The following MYO1E variants were observed in gnomAD, a reference collection of about 807,000 sequenced individuals.
The protein encoded by MYO1E is unconventional myosin-Ie.
MYO1E carries 68 observed loss-of-function variants against 151.1 expected under a neutral mutation model. The ratio of observed to expected loss-of-function variants is 0.45; its 90% confidence interval spans 0.37 to 0.55. The LOEUF (loss-of-function observed/expected upper bound fraction) is 0.55, where lower values mean the gene tolerates loss of function less well. MYO1E is among the 20% of genes least tolerant of loss of function. The pLI, the probability that MYO1E is intolerant of heterozygous loss-of-function variation, is 0.00. For missense variants in MYO1E, 1,363 were observed against 1,389.3 expected (o/e 0.98, Z 0.30); for synonymous variants, 601 against 501.7 (o/e 1.20, Z -2.64).
intron 14 of MYO1E, among the ~76,000 whole-genome samples, chr15:59,206,121 T>C (rs11855039): frequency 0.088 from 13,421 of 151,958 alleles, 740 homozygotes; most frequent in African/African-American, 0.16. Context: ...CAGCCTGGCA[T>C]CCAGTAGGCA....
chr15:59,246,471 G>A (rs1467528165), intron 4 of MYO1E, among the ~76,000 whole-genome samples: 3 of 152,202 alleles, frequency 2.0e-5, no homozygotes, highest in South Asian at 2.1e-4. Context: ...ACTGCCCAGA[G>A]TCTACCTTCA....
chr15:59,183,807 C>T (rs2079679354), intron 18 of MYO1E, among the ~76,000 whole-genome samples: 1 of 152,096 alleles, frequency 6.6e-6, no homozygotes. Flanking sequence ...ATGCATTAAC[C>T]ATCTGCACCT....
At chr15:59,187,469 A>T (rs180967643) in intron 18 of MYO1E, among the ~76,000 whole-genome samples, 2 of 152,376 alleles carry the variant, frequency 1.3e-5, no homozygotes, top group East Asian at 3.9e-4. Flanking sequence ...AGCCTCAAAT[A>T]CTGCTGGTGG....
chr15:59,230,989 A>T (rs1350940488), intron 6 of MYO1E, among the ~76,000 whole-genome samples: 2 of 152,220 alleles, frequency 1.3e-5, no homozygotes, highest in Non-Finnish European at 2.9e-5. Flanking sequence ...ACATATTCAT[A>T]TTCAGCCTTG....
chr15:59,285,654 C>A (rs749702194), intron 1 of MYO1E, among the ~76,000 whole-genome samples: 1 of 151,762 alleles, frequency 6.6e-6, no homozygotes. Context: ...CGACTAGACA[C>A]TGTCTTTAAA....
intron 6 of MYO1E, among the ~76,000 whole-genome samples, chr15:59,229,046 A>C (rs2080008967): frequency 6.6e-6 from 1 of 152,220 alleles, no homozygotes; most frequent in Non-Finnish European, 1.5e-5. Context: ...GCTCACTGAA[A>C]GAGAGCTCCC....
At position 59,208,858 on chromosome 15, in the gene MYO1E, G is replaced by A. The variant is rs374393554; in HGVS notation, c.1363-10C>T. 1.1e-5 allele frequency: 17 copies of A among 1,613,902 alleles called. No homozygotes were observed. The African/African-American group carries it at 1.5e-4, about 14-fold the overall frequency. ...TGATGCCAGGAGGGTTCTGATGGGAGCAAGAAGGCAAGGCCCTAGTCACTG... is the reference window on the plus strand; with the variant it reads ...TGATGCCAGGAGGGTTCTGATGGGAACAAGAAGGCAAGGCCCTAGTCACTG... On this transcript the variant is annotated splice_polypyrimidine_tract_variant and intron_variant, in intron 13 of 27. Coordinates refer to ENST00000288235, the MANE Select transcript of MYO1E (RefSeq NM_004998.4).
intron 1 of MYO1E, among the ~76,000 whole-genome samples, chr15:59,306,501 C>T (rs191927673): frequency 1.1e-4 from 17 of 152,344 alleles, no homozygotes; most frequent in South Asian, 4.1e-4. Context: ...TCCTCATCCT[C>T]GTCTGAGATA....
chr15:59,314,257 T>TATTTCACACAATG (rs1378143738), intron 1 of MYO1E, among the ~76,000 whole-genome samples: 2 of 152,228 alleles, frequency 1.3e-5, no homozygotes, highest in African/African-American at 4.8e-5. Context: ...GAATGACAAC[T>TATTTCACACAATG]CTGTGCCTTA....
chr15:59,368,890 A>G (rs965898984), intron 1 of MYO1E, among the ~76,000 whole-genome samples: 1 of 152,178 alleles, frequency 6.6e-6, no homozygotes, highest in African/African-American at 2.4e-5. Context: ...CTCTCCAAGG[A>G]GATGCCTGGG....
At chr15:59,303,659 C>T (rs530235409) in intron 1 of MYO1E, among the ~76,000 whole-genome samples, 3 of 152,300 alleles carry the variant, frequency 2.0e-5, no homozygotes, top group East Asian at 1.9e-4. Flanking sequence ...AATCCCACAG[C>T]GAGATGGTAT....
intron 11 of MYO1E, 94 bp downstream of exon 11, chr15:59,214,518 TTTTTTTTGTTGTTGTGGTTTGTTTTCTG>T: frequency 9.4e-7 from 1 of 1,063,534 alleles, no homozygotes; most frequent in South Asian, 1.3e-5. Context: ...GCCTGAGTTG[TTTTTTTTGTTGTTGTGGTTTGTTTTCTG>T]TTTTTTTGTT....
intron 16 of MYO1E, among the ~76,000 whole-genome samples, chr15:59,196,675 G>A (rs1287571518): frequency 3.3e-5 from 5 of 152,164 alleles, no homozygotes; most frequent in African/African-American, 1.2e-4. Flanking sequence ...ATTCATTGGT[G>A]AATTAAGTTC....
intron 16 of MYO1E, among the ~76,000 whole-genome samples, chr15:59,201,536 C>T (rs1222258241): frequency 1.3e-5 from 2 of 151,790 alleles, no homozygotes; most frequent in Non-Finnish European, 2.9e-5. Context: ...TCCTGAGTAG[C>T]TGGGATTACA....
intron 5 of MYO1E, among the ~76,000 whole-genome samples, chr15:59,236,369 T>TACACACACACACACACAC (rs56164138): frequency 8.5e-6 from 1 of 117,740 alleles, no homozygotes; most frequent in Non-Finnish European, 1.7e-5. Context: ...AAAAAATATA[T>TACACACACACACACACAC]ACACACACAC....
At chr15:59,217,328 T>C (rs2079924983) in intron 10 of MYO1E, among the ~76,000 whole-genome samples, 1 of 152,066 alleles carries the variant, frequency 6.6e-6, no homozygotes, top group South Asian at 2.1e-4. Context: ...TTCTGGTCTC[T>C]AGTCCTAGCT....
At chr15:59,290,993 T>C (rs2080415394) in intron 1 of MYO1E, among the ~76,000 whole-genome samples, 1 of 152,104 alleles carries the variant, frequency 6.6e-6, no homozygotes, top group African/African-American at 2.4e-5. Context: ...GCTCACACAA[T>C]TAAAGTACAA....
At position 59,133,623 on chromosome 15, in the gene MYO1E, G is replaced by C. The variant is rs1453199230; in HGVS notation, c.*3757C>G. On this transcript the variant is annotated 3_prime_UTR_variant, in exon 28 of 28. Transcript: ENST00000288235. ...GGCCTTGGGAGAAAAGCAAAACAGG[G>C]AAAGAGGGCAGAATTGCAGAAAGGC... The C allele has an allele frequency of 6.6e-6, 1 of 152,186 alleles. No homozygotes were observed. The highest frequency in any genetic ancestry group is 1.5e-5 in the Non-Finnish European group (1 of 68,046). The allele number at this position is 152,186 out of a possible 1,614,324, so 9.4% of individuals were successfully genotyped here. A position where few individuals can be genotyped will look rare whatever the true frequency, so the allele number is the denominator to read the frequency against.
chr15:59,275,588 T>C (rs2080313713), intron 1 of MYO1E, among the ~76,000 whole-genome samples: 1 of 152,198 alleles, frequency 6.6e-6, no homozygotes, highest in Admixed American at 6.5e-5. Context: ...CTTCTGTCTT[T>C]AGTGACCACT....
Sources: gnomAD v4.1 joint callset for allele counts (sites outside exome capture counted in the v4.1 genomes callset) on GRCh38, gnomAD v4.1.1 for gene constraint, MANE v1.5 for transcripts, NCBI Gene and HGNC (gene_info 2026-07-23, HGNC 2026-07-21) for gene names.